Variants in NFIB observed in about 807,000 individuals in gnomAD.
The protein encoded by NFIB is nuclear factor 1 B-type.
In NFIB, 11 loss-of-function variants were observed where a neutral mutation model predicts 61.5. The observed-to-expected ratio is 0.18, with a 90% CI of 0.11 to 0.30. NFIB has a LOEUF of 0.30. NFIB is among the 10% of genes least tolerant of loss of function. The probability of loss-of-function intolerance (pLI) is 1.00; values close to 1 mark genes in which losing one functional copy is unlikely to be tolerated. For synonymous variants in NFIB, 260 were observed against 216.5 expected, an observed-to-expected ratio of 1.20 and a Z score of -1.76; for missense variants, 471 against 608.9, an observed-to-expected ratio of 0.77 and a Z score of 2.38.
intron 1 of NFIB, among the ~76,000 whole-genome samples, chr9:14,391,406 G>A (rs1373129671): frequency 3.3e-5 from 5 of 149,904 alleles, no homozygotes; most frequent in Non-Finnish European, 5.9e-5. Context: ...TTCTTAAACT[G>A]TCTCTCTAAA....
chr9:14,464,174 A>G, the NFIB span, among the ~76,000 whole-genome samples: 1 of 152,216 alleles, frequency 6.6e-6, no homozygotes, highest in Admixed American at 6.5e-5. Flanking sequence ...AGATAGAGAG[A>G]CCAGGATGAT....
At chr9:14,507,835 G>C in the NFIB span, among the ~76,000 whole-genome samples, 1 of 152,044 alleles carries the variant, frequency 6.6e-6, no homozygotes, top group African/African-American at 2.4e-5. Flanking sequence ...CTGAGGCTGA[G>C]TGTCAGCCTC....
the NFIB span, among the ~76,000 whole-genome samples, chr9:14,504,692 GC>G: frequency 6.6e-6 from 1 of 152,124 alleles, no homozygotes; most frequent in African/African-American, 2.4e-5. Context: ...GTATCCTGAA[GC>G]TTTGCTGAAT....
At chr9:14,159,307 G>C (rs908003214) in intron 3 of NFIB, among the ~76,000 whole-genome samples, 1 of 152,196 alleles carries the variant, frequency 6.6e-6, no homozygotes, top group Non-Finnish European at 1.5e-5. Flanking sequence ...ACAATGGAAA[G>C]AGGTAGTTTA....
chr9:14,218,861 T>C (rs1039947335), intron 2 of NFIB, among the ~76,000 whole-genome samples: 2 of 152,164 alleles, frequency 1.3e-5, no homozygotes, highest in African/African-American at 4.8e-5. Flanking sequence ...AACTTCTCCA[T>C]CATCAAAAGA....
chr9:14,197,603 G>C (rs917666208), intron 2 of NFIB, among the ~76,000 whole-genome samples: 7 of 152,208 alleles, frequency 4.6e-5, no homozygotes, highest in African/African-American at 1.7e-4. Flanking sequence ...GGCAAAAAGG[G>C]AGCTTAAGAA....
chr9:14,379,223 T>C (rs1108675), intron 1 of NFIB, among the ~76,000 whole-genome samples: 59,722 of 152,060 alleles, frequency 0.39, 12,095 homozygotes, highest in Middle Eastern at 0.47. Flanking sequence ...ATGACAATTG[T>C]TTGCTGAGAC....
At chr9:14,223,888 T>C (rs955623022) in intron 2 of NFIB, among the ~76,000 whole-genome samples, 4 of 152,210 alleles carry the variant, frequency 2.6e-5, no homozygotes. Context: ...AGCCACACTA[T>C]ATCCTATCAG....
chr9:14,393,307 C>T (rs184404223), intron 1 of NFIB, among the ~76,000 whole-genome samples: 40 of 152,280 alleles, frequency 2.6e-4, no homozygotes, highest in Non-Finnish European at 2.6e-4. Flanking sequence ...TACATTTCAC[C>T]ATCTGGTGTC....
intron 1 of NFIB, among the ~76,000 whole-genome samples, chr9:14,325,521 A>G (rs544258944): frequency 6.6e-6 from 1 of 152,142 alleles, no homozygotes; most frequent in African/African-American, 2.4e-5. Flanking sequence ...CATTATTACA[A>G]TGCTTTATAT....
intron 1 of NFIB, among the ~76,000 whole-genome samples, chr9:14,340,500 T>C (rs2060937226): frequency 6.6e-6 from 1 of 152,192 alleles, no homozygotes. Context: ...CCCCAGATGA[T>C]TCTAATGTGC....
At chr9:14,119,478 C>T (rs923683113) in intron 8 of NFIB, among the ~76,000 whole-genome samples, 2 of 149,894 alleles carry the variant, frequency 1.3e-5, no homozygotes, top group African/African-American at 5.0e-5. Context: ...TTCATTTTAA[C>T]AAATTAAGAC....
chr9:14,209,831 G>A (rs1435958462), intron 2 of NFIB, among the ~76,000 whole-genome samples: 1 of 151,938 alleles, frequency 6.6e-6, no homozygotes, highest in East Asian at 1.9e-4. Context: ...TGCCCACTGT[G>A]AAACCCAAAA....
At chr9:14,223,577 TCTC>T (rs2051982508) in intron 2 of NFIB, among the ~76,000 whole-genome samples, 1 of 152,266 alleles carries the variant, frequency 6.6e-6, no homozygotes, top group South Asian at 2.1e-4. Flanking sequence ...TACCTCAAGT[TCTC>T]CTCTTGTGCA....
intron 2 of NFIB, among the ~76,000 whole-genome samples, chr9:14,198,126 G>C (rs1448042989): frequency 2.0e-5 from 3 of 152,088 alleles, no homozygotes; most frequent in African/African-American, 7.2e-5. Context: ...TCCTCAAATG[G>C]AATTTTTTCA....
At chr9:14,449,027 G>A in the NFIB span, among the ~76,000 whole-genome samples, 1 of 152,126 alleles carries the variant, frequency 6.6e-6, no homozygotes, top group Non-Finnish European at 1.5e-5. Context: ...TGGGATGGAT[G>A]ATCAAAGATT....
intron 1 of NFIB, among the ~76,000 whole-genome samples, chr9:14,363,161 T>C (rs1346381140): frequency 6.6e-6 from 1 of 152,184 alleles, no homozygotes; most frequent in Non-Finnish European, 1.5e-5. Flanking sequence ...TCAATAAAAT[T>C]GTAAAAATTA....
At chr9:14,413,908 A>G in the NFIB span, among the ~76,000 whole-genome samples, 103 of 152,214 alleles carry the variant, frequency 6.8e-4, 5 homozygotes, top group Non-Finnish European at 1.5e-5. Flanking sequence ...ACAAATAGAA[A>G]CAACATGCAA....
intron 3 of NFIB, among the ~76,000 whole-genome samples, chr9:14,171,198 T>C (rs1587278819): frequency 6.6e-6 from 1 of 152,306 alleles, no homozygotes; most frequent in Admixed American, 6.5e-5. Context: ...CTTATGAACC[T>C]ATATTCTATG....
Sources: allele counts gnomAD v4.1 joint callset (sites outside exome capture counted in the v4.1 genomes callset), GRCh38; gene constraint gnomAD v4.1.1; transcripts MANE v1.5; gene names NCBI Gene and HGNC (gene_info 2026-07-23, HGNC 2026-07-21).